Variants in ZNF804A observed in about 807,000 individuals in gnomAD.
ZNF804A encodes the protein zinc finger protein 804A.
In ZNF804A, 2 loss-of-function variants were observed where a neutral mutation model predicts 16.5. The observed-to-expected ratio is 0.12, with a 90% CI of 0.05 to 0.38. The LOEUF is 0.38. Among genes scored for constraint, ZNF804A ranks in the 10% least tolerant of loss-of-function variants. The pLI, the probability that ZNF804A is intolerant of heterozygous loss-of-function variation, is 0.99. For missense variants in ZNF804A, 1,473 were observed against 1,390.7 expected (o/e 1.06, Z -0.94); for synonymous variants, 534 against 489.6 (o/e 1.09, Z -1.20).
chr2:184,829,235 T>C (rs1695221060), intron 1 of ZNF804A, among the ~76,000 whole-genome samples: 2 of 151,830 alleles, frequency 1.3e-5, no homozygotes, highest in Non-Finnish European at 2.9e-5. Flanking sequence ...TTACTTATCA[T>C]AGAAGTAGCT....
At chr2:184,771,222 G>T (rs1000361201) in intron 1 of ZNF804A, among the ~76,000 whole-genome samples, 1 of 151,884 alleles carries the variant, frequency 6.6e-6, no homozygotes, top group African/African-American at 2.4e-5. Context: ...CAACATTTTT[G>T]AAATTAAAAT....
At chr2:184,779,235 G>A (rs1196772592) in intron 1 of ZNF804A, among the ~76,000 whole-genome samples, 2 of 151,718 alleles carry the variant, frequency 1.3e-5, no homozygotes, top group Non-Finnish European at 2.9e-5. Flanking sequence ...TGGCTTTGAA[G>A]TTGGGTTGGC....
intron 2 of ZNF804A, among the ~76,000 whole-genome samples, chr2:184,888,500 C>A (rs1015175329): frequency 6.6e-6 from 1 of 152,156 alleles, no homozygotes; most frequent in Non-Finnish European, 1.5e-5. Context: ...CAATTTGGTT[C>A]TCTGATCTCT....
At chr2:184,890,335 G>T (rs1473320108) in intron 2 of ZNF804A, among the ~76,000 whole-genome samples, 1 of 152,106 alleles carries the variant, frequency 6.6e-6, no homozygotes, top group Non-Finnish European at 1.5e-5. Context: ...ACATTGCTGT[G>T]GGCTGCAGAA....
At chr2:184,755,819 G>A (rs187247887) in intron 1 of ZNF804A, among the ~76,000 whole-genome samples, 1 of 151,850 alleles carries the variant, frequency 6.6e-6, no homozygotes. Context: ...TAGTTGCTTT[G>A]TTCTAGAATA....
intron 2 of ZNF804A, among the ~76,000 whole-genome samples, chr2:184,901,751 CA>C (rs1558997345): frequency 3.3e-5 from 5 of 151,922 alleles, no homozygotes; most frequent in Admixed American, 2.6e-4. Context: ...GGAGGTAATG[CA>C]TTTTCTTCTT....
intron 1 of ZNF804A, among the ~76,000 whole-genome samples, chr2:184,754,452 C>A (rs1192246348): frequency 6.6e-6 from 1 of 151,852 alleles, no homozygotes; most frequent in East Asian, 1.9e-4. Flanking sequence ...CTACCTCATG[C>A]TCCTTGTCAC....
At chr2:184,835,587 C>G (rs977088545) in intron 1 of ZNF804A, among the ~76,000 whole-genome samples, 2 of 151,618 alleles carry the variant, frequency 1.3e-5, no homozygotes, top group Non-Finnish European at 2.9e-5. Context: ...AGTCCCACCT[C>G]CTACCTCAGT....
At chr2:184,658,474 A>G (rs1692116870) in intron 1 of ZNF804A, among the ~76,000 whole-genome samples, 1 of 152,112 alleles carries the variant, frequency 6.6e-6, no homozygotes, top group Admixed American at 6.5e-5. Flanking sequence ...CTCCATCTCG[A>G]GGAAAAACAA....
chr2:184,803,772 G>A (rs1204171862), intron 1 of ZNF804A, among the ~76,000 whole-genome samples: 1 of 151,234 alleles, frequency 6.6e-6, no homozygotes, highest in Non-Finnish European at 1.5e-5. Context: ...CCCAGGTGTT[G>A]TTTGGTTTGG....
At chr2:184,906,990 A>T (rs1685284258) in intron 2 of ZNF804A, among the ~76,000 whole-genome samples, 2 of 152,194 alleles carry the variant, frequency 1.3e-5, no homozygotes, top group Non-Finnish European at 2.9e-5. Context: ...CTGACAGCCA[A>T]CAAGAAAACA....
chr2:184,676,768 T>A (rs1692442791), intron 1 of ZNF804A, among the ~76,000 whole-genome samples: 1 of 151,832 alleles, frequency 6.6e-6, no homozygotes, highest in African/African-American at 2.4e-5. Context: ...ATCAATAGTA[T>A]CTTGAACTTT....
intron 2 of ZNF804A, among the ~76,000 whole-genome samples, chr2:184,918,993 A>T (rs1685492598): frequency 6.6e-6 from 1 of 152,166 alleles, no homozygotes; most frequent in Non-Finnish European, 1.5e-5. Context: ...CTACCATTCT[A>T]TCAAACCAGT....
intron 1 of ZNF804A, among the ~76,000 whole-genome samples, chr2:184,841,073 G>C (rs552997924): frequency 6.6e-6 from 1 of 152,186 alleles, no homozygotes; most frequent in South Asian, 2.1e-4. Context: ...TTTTCCCTTT[G>C]AACTTTGTTA....
intron 1 of ZNF804A, among the ~76,000 whole-genome samples, chr2:184,670,058 C>T (rs1381623201): frequency 1.3e-5 from 2 of 152,096 alleles, no homozygotes; most frequent in Non-Finnish European, 2.9e-5. Flanking sequence ...AAAATTCTAG[C>T]TTAACACTTA....
At chr2:184,619,241 G>A in intron 1 of ZNF804A, among the ~76,000 whole-genome samples, 1 of 152,040 alleles carries the variant, frequency 6.6e-6, no homozygotes, top group African/African-American at 2.4e-5. Context: ...ATAGATTTAT[G>A]CATGTATTTA....
At chr2:184,779,881 G>A (rs2105773117) in intron 1 of ZNF804A, among the ~76,000 whole-genome samples, 1 of 151,796 alleles carries the variant, frequency 6.6e-6, no homozygotes, top group East Asian at 1.9e-4. Context: ...TTTGTGATGT[G>A]TAAAATTGTT....
chr2:184,748,235 C>T (rs1330561961), intron 1 of ZNF804A, among the ~76,000 whole-genome samples: 1 of 151,156 alleles, frequency 6.6e-6, no homozygotes, highest in East Asian at 1.9e-4. Flanking sequence ...AATTTACATT[C>T]CCACCAACAG....
At chr2:184,698,701 T>C (rs1280145569) in intron 1 of ZNF804A, among the ~76,000 whole-genome samples, 1 of 152,082 alleles carries the variant, frequency 6.6e-6, no homozygotes, top group Non-Finnish European at 1.5e-5. Flanking sequence ...GTATGTCAGG[T>C]AGACCCAAAT....
Sources: allele counts gnomAD v4.1 joint callset (sites outside exome capture counted in the v4.1 genomes callset), GRCh38; gene constraint gnomAD v4.1.1; transcripts MANE v1.5; gene names NCBI Gene and HGNC (gene_info 2026-07-23, HGNC 2026-07-21).